The following IL1RAPL1 variants were observed in gnomAD, a reference collection of about 807,000 sequenced individuals.
The protein encoded by IL1RAPL1 is interleukin 1 receptor accessory protein like 1.
IL1RAPL1 carries 3 observed loss-of-function variants against 48.4 expected under a neutral mutation model. The ratio of observed to expected loss-of-function variants is 0.06; its 90% CI spans 0.03 to 0.16. The LOEUF is 0.16. IL1RAPL1 is among the 10% of genes least tolerant of loss of function. IL1RAPL1 has a pLI of 1.00. For synonymous variants in IL1RAPL1, 185 were observed against 187.7 expected, an observed-to-expected ratio of 0.99 and a Z score of 0.12; for missense variants, 349 against 530.6, an observed-to-expected ratio of 0.66 and a Z score of 3.36.
At position 29,533,115 on chromosome X, in the gene IL1RAPL1, A is replaced by T. The variant is rs144572121; in HGVS notation, c.703+133807A>T. Among the ~76,000 whole-genome samples the T allele has an allele frequency of 3.1e-4, 35 of 112,443 alleles. No homozygotes were observed. In the East Asian group the frequency reaches 9.2e-3, roughly 30 times the overall value. On this transcript the variant is annotated intron_variant, in intron 5 of 10. Coordinates refer to ENST00000378993, the MANE Select transcript of IL1RAPL1 (RefSeq NM_014271.4). Reference sequence around the variant, plus strand: ...TTTTAAAGTGCTTCACTGAGATATAATTCATACACTTCACCACTCACCCAT... The same window carrying T: ...TTTTAAAGTGCTTCACTGAGATATATTTCATACACTTCACCACTCACCCAT...
At chrX:29,732,381 A>T (rs769132605) in intron 6 of IL1RAPL1, among the ~76,000 whole-genome samples, 4 of 111,974 alleles carry the variant, frequency 3.6e-5, no homozygotes, top group African/African-American at 1.3e-4. Flanking sequence ...ACTCATTTTC[A>T]GTCCTTATCT....
intron 2 of IL1RAPL1, among the ~76,000 whole-genome samples, chrX:28,943,316 TAAAG>T (rs1924212903): frequency 9.1e-6 from 1 of 110,073 alleles, no homozygotes; most frequent in African/African-American, 3.3e-5. Context: ...TAGGGACAGT[TAAAG>T]AAATAGCAAG....
chrX:29,505,265 C>T (rs1472417797), intron 5 of IL1RAPL1, among the ~76,000 whole-genome samples: 1 of 111,677 alleles, frequency 9.0e-6, no homozygotes, highest in Non-Finnish European at 1.9e-5. Flanking sequence ...CTTCATACTA[C>T]AGTTATGTAT....
chrX:29,782,801 A>G (rs1929378037), intron 6 of IL1RAPL1, among the ~76,000 whole-genome samples: 1 of 109,688 alleles, frequency 9.1e-6, no homozygotes, highest in South Asian at 4.0e-4. Flanking sequence ...TTTTATATCT[A>G]TAAAGATCTC....
intron 3 of IL1RAPL1, among the ~76,000 whole-genome samples, chrX:29,339,289 C>T (rs1024728024): frequency 1.8e-5 from 2 of 111,775 alleles, no homozygotes; most frequent in South Asian, 3.7e-4. Context: ...CCTTTCTGAG[C>T]ATCAATTACT....
intron 2 of IL1RAPL1, among the ~76,000 whole-genome samples, chrX:29,279,854 A>G (rs1316543989): frequency 8.9e-6 from 1 of 111,932 alleles, no homozygotes; most frequent in Non-Finnish European, 1.9e-5. Flanking sequence ...CTCTCTCTCT[A>G]TTCTCTTGAT....
intron 6 of IL1RAPL1, among the ~76,000 whole-genome samples, chrX:29,917,202 G>T (rs1932806210): frequency 8.9e-6 from 1 of 112,073 alleles, no homozygotes; most frequent in Non-Finnish European, 1.9e-5. Flanking sequence ...CAGGCAAACC[G>T]AACGGGAAAA....
At chrX:29,048,570 A>T (rs1274842568) in intron 2 of IL1RAPL1, among the ~76,000 whole-genome samples, 1 of 111,994 alleles carries the variant, frequency 8.9e-6, no homozygotes, top group Admixed American at 9.5e-5. Flanking sequence ...ATATTTCTTG[A>T]TTCTGCATAT....
chrX:29,547,375 T>C (rs1602290246), intron 5 of IL1RAPL1, among the ~76,000 whole-genome samples: 1 of 111,041 alleles, frequency 9.0e-6, no homozygotes, highest in African/African-American at 3.3e-5. Context: ...TCTTATAAAA[T>C]GAAGGACTGT....
At chrX:29,354,869 G>A (rs1933280910) in intron 3 of IL1RAPL1, among the ~76,000 whole-genome samples, 2 of 112,094 alleles carry the variant, frequency 1.8e-5, no homozygotes. Flanking sequence ...AAACAAACAG[G>A]AGTTTACTAA....
At chrX:29,170,738 T>C (rs1929891522) in intron 2 of IL1RAPL1, among the ~76,000 whole-genome samples, 1 of 111,851 alleles carries the variant, frequency 8.9e-6, no homozygotes, top group Non-Finnish European at 1.9e-5. Context: ...TTCTTTGAAG[T>C]TAATATGACC....
chrX:29,362,994 G>A (rs964345654), intron 3 of IL1RAPL1, among the ~76,000 whole-genome samples: 1 of 111,410 alleles, frequency 9.0e-6, no homozygotes. Context: ...TTTTACAGAC[G>A]AGAAAACTGA....
chrX:29,899,231 C>G (rs1406216758), intron 6 of IL1RAPL1, among the ~76,000 whole-genome samples: 1 of 110,327 alleles, frequency 9.1e-6, no homozygotes, highest in African/African-American at 3.3e-5. Flanking sequence ...TTGGGAACTC[C>G]AAAAAGAAAG....
At chrX:29,899,271 C>G (rs1158916153) in intron 6 of IL1RAPL1, among the ~76,000 whole-genome samples, 4 of 111,004 alleles carry the variant, frequency 3.6e-5, no homozygotes, top group Admixed American at 2.9e-4. Flanking sequence ...CAGAGCTTCT[C>G]AAGAGATCAC....
intron 1 of IL1RAPL1, among the ~76,000 whole-genome samples, chrX:28,765,522 A>G (rs975728777): frequency 3.6e-5 from 4 of 111,670 alleles, no homozygotes; most frequent in Non-Finnish European, 7.5e-5. Flanking sequence ...TTTAAGTTAC[A>G]GAAGAAAATG....
chrX:29,081,020 C>CTCTCTCTCTTTTCT (rs1555960745), intron 2 of IL1RAPL1, among the ~76,000 whole-genome samples: 48 of 41,907 alleles, frequency 1.1e-3, no homozygotes, highest in African/African-American at 4.0e-3. Context: ...CTCTCTCTCT[C>CTCTCTCTCTTTTCT]TTTCTTTTCT....
intron 6 of IL1RAPL1, among the ~76,000 whole-genome samples, chrX:29,837,132 G>A (rs183071225): frequency 6.1e-4 from 64 of 105,741 alleles, no homozygotes; most frequent in East Asian, 2.1e-3. Flanking sequence ...GCGTGGTGGC[G>A]GGCACCTGTA....
intron 6 of IL1RAPL1, among the ~76,000 whole-genome samples, chrX:29,707,734 A>G (rs1927238893): frequency 9.0e-6 from 1 of 111,056 alleles, no homozygotes; most frequent in Non-Finnish European, 1.9e-5. Flanking sequence ...GAACTAAGCT[A>G]TGAGGACGCA....
chrX:29,580,337 C>T (rs1435121455), intron 5 of IL1RAPL1, among the ~76,000 whole-genome samples: 1 of 111,066 alleles, frequency 9.0e-6, no homozygotes, highest in Admixed American at 9.6e-5. Flanking sequence ...ATATTCCCCT[C>T]TCTCTCTCAC....
Sources: allele counts gnomAD v4.1 joint callset (sites outside exome capture counted in the v4.1 genomes callset), GRCh38; gene constraint gnomAD v4.1.1; transcripts MANE v1.5; gene names NCBI Gene and HGNC (gene_info 2026-07-23, HGNC 2026-07-21).